DLG3: variants seen among roughly 807,000 people sequenced by gnomAD.
DLG3 encodes the protein disks large homolog 3.
DLG3 carries 1 observed loss-of-function variant against 64.1 expected under a neutral mutation model. That is an observed-to-expected ratio of 0.02 (90% CI 0.01 to 0.07). DLG3 has a LOEUF of 0.07. DLG3 is among the 10% of genes least tolerant of loss of function. The probability of loss-of-function intolerance (pLI) is 1.00; values close to 1 mark genes in which losing one functional copy is unlikely to be tolerated. For synonymous variants in DLG3, 245 were observed against 259.8 expected, an observed-to-expected ratio of 0.94 and a Z score of 0.55; for missense variants, 429 against 669.5, an observed-to-expected ratio of 0.64 and a Z score of 3.96.
intron 9 of DLG3, among the ~76,000 whole-genome samples, chrX:70,465,969 A>T (rs2086877632): frequency 9.0e-6 from 1 of 111,051 alleles, no homozygotes; most frequent in African/African-American, 3.3e-5. Flanking sequence ...TGAATCTCTG[A>T]TTATGTTCCG....
At chrX:70,462,881 C>G (rs1043594079) in intron 9 of DLG3, among the ~76,000 whole-genome samples, 3 of 111,309 alleles carry the variant, frequency 2.7e-5, no homozygotes, top group African/African-American at 9.8e-5. Flanking sequence ...AAAAAGATTA[C>G]GTTTTCTTTT....
At chrX:70,469,370 A>G (rs1461712375) in intron 9 of DLG3, among the ~76,000 whole-genome samples, 1 of 110,722 alleles carries the variant, frequency 9.0e-6, no homozygotes, top group Non-Finnish European at 1.9e-5. Flanking sequence ...GATATTTGGC[A>G]ATTCATATAC....
At chrX:70,452,731 C>T in intron 7 of DLG3, 1 of 1,194,974 alleles carries the variant, frequency 8.4e-7, no homozygotes, top group Non-Finnish European at 1.1e-6. Context: ...CCGCTCCGCT[C>T]CCTGCGGCCC....
At chrX:70,471,352 C>T (rs1217609915) in intron 9 of DLG3, among the ~76,000 whole-genome samples, 2 of 103,775 alleles carry the variant, frequency 1.9e-5, no homozygotes, top group African/African-American at 3.5e-5. Context: ...TTTTTTGAGA[C>T]GGAGTCTCCC....
rs762344364 is a variant in DLG3, at chrX:70,492,742, G to A, written c.1773+146G>A. On this transcript the variant is annotated intron_variant, in intron 12 of 18. Transcript: ENST00000374360. ...GCTCTGTCCTATCAGAACATTGACT[G>A]CTTTTCAGAAAGCAGAGAGGGAGCT... The A allele has an allele frequency of 1.8e-4, 100 of 557,598 alleles. 1 individual carries two copies. In the South Asian group the frequency reaches 2.7e-3, roughly 15 times the overall value. The allele number at this position is 557,598 out of a possible 1,213,427, so 46.0% of individuals were successfully genotyped here.
At chrX:70,472,097 T>C (rs1269492563) in intron 9 of DLG3, among the ~76,000 whole-genome samples, 1 of 112,383 alleles carries the variant, frequency 8.9e-6, no homozygotes, top group Non-Finnish European at 1.9e-5. Flanking sequence ...CTCTGCCATC[T>C]ACTCCCATTT....
intron 9 of DLG3, among the ~76,000 whole-genome samples, chrX:70,476,941 A>G (rs781257501): frequency 1.3e-3 from 149 of 113,145 alleles, no homozygotes; most frequent in African/African-American, 4.6e-3. Flanking sequence ...TGAATAAAAC[A>G]CAATTTAATA....
intron 7 of DLG3, chrX:70,452,861 C>T (rs1602875562): frequency 8.6e-6 from 7 of 812,076 alleles, no homozygotes; most frequent in African/African-American, 6.3e-5. Flanking sequence ...GCTTTGGGCT[C>T]CTCCGAGGAA....
chrX:70,472,041 T>C (rs1415764063), intron 9 of DLG3, among the ~76,000 whole-genome samples: 1 of 112,047 alleles, frequency 8.9e-6, no homozygotes, highest in East Asian at 2.8e-4. Flanking sequence ...CAAGCACTTA[T>C]AATCTGGCCT....
At chrX:70,476,205 A>G (rs756667854) in intron 9 of DLG3, among the ~76,000 whole-genome samples, 1 of 112,130 alleles carries the variant, frequency 8.9e-6, no homozygotes, top group East Asian at 2.8e-4. Flanking sequence ...CGATGACTGG[A>G]TATCTTTGTG....
chrX:70,477,533 A>G (rs1569284493), intron 9 of DLG3, among the ~76,000 whole-genome samples: 2 of 111,513 alleles, frequency 1.8e-5, no homozygotes, highest in East Asian at 5.6e-4. Flanking sequence ...GGGGCACCTC[A>G]TTGATATTGA....
chrX:70,486,085 G>T (rs1208334947), intron 10 of DLG3, among the ~76,000 whole-genome samples: 1 of 111,532 alleles, frequency 9.0e-6, no homozygotes, highest in Non-Finnish European at 1.9e-5. Context: ...GCTCTTCATG[G>T]TGGTATGACA....
At chrX:70,448,044 C>T (rs978145713) in intron 1 of DLG3, among the ~76,000 whole-genome samples, 1 of 111,997 alleles carries the variant, frequency 8.9e-6, no homozygotes, top group Non-Finnish European at 1.9e-5. Context: ...ATCCCACCCT[C>T]GCCCTTTCTG....
intron 12 of DLG3, chrX:70,493,560 G>T (rs926016322): frequency 3.5e-6 from 3 of 864,838 alleles, no homozygotes; most frequent in African/African-American, 4.0e-5. Flanking sequence ...GAGAAGCCTG[G>T]GCAGGGCCAC....
At chrX:70,451,180 C>T (rs2086613758) in intron 6 of DLG3, among the ~76,000 whole-genome samples, 1 of 111,567 alleles carries the variant, frequency 9.0e-6, no homozygotes, top group Non-Finnish European at 1.9e-5. Flanking sequence ...CAGCTCACTG[C>T]GAACTCCACC....
At position 70,503,960 on chromosome X, in the gene DLG3, C is replaced by A. The variant is rs1403699952; in HGVS notation, c.*1691C>A. 1 of 111,340 alleles carries A rather than the reference C, an allele frequency of 9.0e-6. No individual in the cohort carries two copies. The highest frequency in any genetic ancestry group is 3.3e-5 in the African/African-American group (1 of 30,483). The allele number at this position is 111,340 out of a possible 1,213,427, so 9.2% of individuals were successfully genotyped here. On this transcript the variant is annotated 3_prime_UTR_variant, in exon 19 of 19. Coordinates refer to ENST00000374360, the MANE Select transcript of DLG3 (RefSeq NM_021120.4). ...GGATTGAGGCACTTGTTTCCTAGCC[C>A]GCTGGGTTAGGGCTGGTGCAAGCGA...
chrX:70,488,545 G>A (rs1424702598), intron 10 of DLG3, among the ~76,000 whole-genome samples: 1 of 111,856 alleles, frequency 8.9e-6, no homozygotes, highest in African/African-American at 3.3e-5. Context: ...TCATGGGTTT[G>A]GAAAACAAAT....
At chrX:70,470,340 C>T (rs952987250) in intron 9 of DLG3, among the ~76,000 whole-genome samples, 4 of 110,549 alleles carry the variant, frequency 3.6e-5, no homozygotes, top group Non-Finnish European at 7.6e-5. Flanking sequence ...AAGCGATTCT[C>T]GTGCCTCAGC....
intron 10 of DLG3, among the ~76,000 whole-genome samples, chrX:70,491,874 A>T (rs1356153433): frequency 8.9e-6 from 1 of 112,005 alleles, no homozygotes; most frequent in Non-Finnish European, 1.9e-5. Context: ...TGGGGTTTGT[A>T]AAATATTTTC....
Sources: gnomAD v4.1 joint callset for allele counts (sites outside exome capture counted in the v4.1 genomes callset) on GRCh38, gnomAD v4.1.1 for gene constraint, MANE v1.5 for transcripts, NCBI Gene and HGNC (gene_info 2026-07-23, HGNC 2026-07-21) for gene names.